Variants in EHHADH observed in about 807,000 individuals in gnomAD.
The protein encoded by EHHADH is peroxisomal bifunctional enzyme.
EHHADH carries 48 observed loss-of-function variants against 64.4 expected under a neutral mutation model. The ratio of observed to expected loss-of-function variants is 0.75; its 90% confidence interval spans 0.59 to 0.95. EHHADH has a LOEUF of 0.95. Ranked by LOEUF, EHHADH falls within the 40% of genes least tolerant of loss-of-function variation. The pLI, the probability that EHHADH is intolerant of heterozygous loss-of-function variation, is 0.00. For synonymous variants in EHHADH, 308 were observed against 326.7 expected (o/e 0.94, Z 0.62); for missense variants, 854 against 876.6 (o/e 0.97, Z 0.33).
At chr3:185,246,221 G>T in intron 2 of EHHADH, 1 of 925,358 alleles carries the variant, frequency 1.1e-6, no homozygotes, top group South Asian at 1.4e-5. Context: ...TTTGATTAAA[G>T]AAGTTCAAGT....
intron 1 of EHHADH, among the ~76,000 whole-genome samples, chr3:185,249,076 T>A (rs1719673380): frequency 6.6e-6 from 1 of 152,188 alleles, no homozygotes; most frequent in Admixed American, 6.5e-5. Flanking sequence ...TTCCTCTCCA[T>A]CGTCTTCATA....
chr3:185,223,608 C>T (rs556351837), intron 4 of EHHADH, among the ~76,000 whole-genome samples: 1 of 152,140 alleles, frequency 6.6e-6, no homozygotes, highest in Admixed American at 6.6e-5. Flanking sequence ...ATAGCGAAAA[C>T]CCACCTGGAC....
intron 5 of EHHADH, among the ~76,000 whole-genome samples, chr3:185,205,101 T>C (rs917389846): frequency 1.3e-4 from 20 of 151,566 alleles, no homozygotes; most frequent in African/African-American, 4.8e-4. Context: ...GTAATTAATA[T>C]TAATATATTA....
Position 185,192,297 on chromosome 3 carries a change from G to A in EHHADH, c.2101C>T (p.Leu701=). 6.2e-7 allele frequency: 1 copy of A among 1,614,176 alleles called. No individual in the cohort carries two copies. Among genetic ancestry groups the A allele is most frequent in the Non-Finnish European group, 8.5e-7 (1 of 1,180,032 alleles). Residue 701 remains leucine, a synonymous_variant, in exon 7 of 7, where the codon CTG becomes TTG. Transcript: ENST00000231887. ...AGGGGAGGGTTTCCCTGAGAAGCCA[G>A]TTTTTTTAGATAGTCACTTGGCTCC... ...QLEPSDYLKK[L]ASQGNPPLKE...
chr3:185,229,339 C>G (rs914457049), intron 4 of EHHADH, 93 bp downstream of exon 4: 3 of 602,330 alleles, frequency 5.0e-6, no homozygotes, highest in Non-Finnish European at 7.6e-6. Context: ...TTTATGGTTA[C>G]ATAGGGAGTA....
At chr3:185,236,654 T>C (rs951140833) in intron 2 of EHHADH, among the ~76,000 whole-genome samples, 8 of 152,278 alleles carry the variant, frequency 5.3e-5, no homozygotes, top group Admixed American at 4.6e-4. Context: ...CTGTTCCTCA[T>C]CTAGCATCAA....
chr3:185,220,783 G>A (rs1391689660), intron 4 of EHHADH, among the ~76,000 whole-genome samples: 1 of 152,190 alleles, frequency 6.6e-6, no homozygotes, highest in East Asian at 1.9e-4. Flanking sequence ...CTGAGGTTGA[G>A]AGTTTCTTCT....
intron 6 of EHHADH, among the ~76,000 whole-genome samples, chr3:185,202,055 A>T (rs1718242479): frequency 6.6e-6 from 1 of 152,218 alleles, no homozygotes; most frequent in Non-Finnish European, 1.5e-5. Context: ...ATCACAAGTG[A>T]GGCTGGGCAC....
At chr3:185,200,487 G>C (rs1025143350) in intron 6 of EHHADH, among the ~76,000 whole-genome samples, 1 of 152,136 alleles carries the variant, frequency 6.6e-6, no homozygotes, top group African/African-American at 2.4e-5. Context: ...CTTTAGCTTT[G>C]ATAAAACTTT....
Position 185,220,068 on chromosome 3 carries a change from G to A in EHHADH, c.464-1828C>T, listed in dbSNP as rs540773209. On this transcript the variant is annotated intron_variant, in intron 4 of 6. Coordinates refer to ENST00000231887, the MANE Select transcript of EHHADH (RefSeq NM_001966.4). ...AGTGAATCAGCCTACCCAGGTTAAG[G>A]GAACCAAGCAAACACAAAATGGGAC... Among the ~76,000 whole-genome samples the A allele has an allele frequency of 2.0e-5, 3 of 152,142 alleles. 1 individual carries two copies. The East Asian group carries it at 5.8e-4, about 29-fold the overall frequency.
In EHHADH at chr3:185,220,018, T is replaced by C. The variant is rs147891356; in HGVS notation, c.464-1778A>G. The stretch of plus-strand genomic sequence containing the variant: ...GGTTTCTGTACATAAGTATCCTGTG[T>C]ATAAAATCACTTTGGTAAGGAGAGA... On this transcript the variant is annotated intron_variant, in intron 4 of 6. Transcript: ENST00000231887. Among the ~76,000 whole-genome samples, 1,336 of 152,270 alleles carry C rather than the reference T, an allele frequency of 8.8e-3. 27 individuals are homozygous for C. Among genetic ancestry groups the C allele is most frequent in the African/African-American group, 0.031 (1,274 of 41,540 alleles).
In EHHADH at chr3:185,204,818, T is replaced by C. The variant is rs575990767; in HGVS notation, c.569-61A>G. The C allele has an allele frequency of 3.7e-6, 5 of 1,346,160 alleles. No individual in the cohort carries two copies. The South Asian group carries it at 4.2e-5, about 11-fold the overall frequency. 83.4% of individuals were successfully genotyped at this position (1,346,160 alleles called of 1,614,324 possible). The stretch of plus-strand genomic sequence containing the variant: ...GTTACTTGTACAAAGGGAATGTGAA[T>C]ATATAGTAATAACAATAACCTGTTC... On this transcript the variant is annotated intron_variant, in intron 5 of 6. Coordinates refer to ENST00000231887, the MANE Select transcript of EHHADH (RefSeq NM_001966.4).
At chr3:185,238,803 C>T (rs1199712569) in intron 2 of EHHADH, among the ~76,000 whole-genome samples, 1 of 151,906 alleles carries the variant, frequency 6.6e-6, no homozygotes, top group Non-Finnish European at 1.5e-5. Flanking sequence ...TAATTAAGTC[C>T]CATTCATCTA....
chr3:185,227,591 C>G (rs571250242), intron 4 of EHHADH, among the ~76,000 whole-genome samples: 1 of 151,872 alleles, frequency 6.6e-6, no homozygotes, highest in Non-Finnish European at 1.5e-5. Context: ...TTTGGGAGGC[C>G]GAGGCAGGCA....
chr3:185,204,813 G>A (rs1276820593), intron 5 of EHHADH, 56 bp from the exon 6 acceptor site: 1 of 1,389,700 alleles, frequency 7.2e-7, no homozygotes, highest in Non-Finnish European at 9.9e-7. Context: ...CAAAGGGAAT[G>A]TGAATATATA....
intron 3 of EHHADH, among the ~76,000 whole-genome samples, chr3:185,231,674 C>A (rs6792519): frequency 0.8 from 96,247 of 119,908 alleles, 38,519 homozygotes; most frequent in Non-Finnish European, 0.86. Context: ...GCAAAACATG[C>A]TAAACAAAAA....
rs764469887 is a variant in EHHADH at position 185,192,736 on chromosome 3, A to C, written c.1662T>G (p.Gly554=). The C allele has an allele frequency of 2.1e-5, 34 of 1,613,868 alleles. No homozygotes were observed. Among genetic ancestry groups the C allele is most frequent in the Non-Finnish European group, 2.8e-5 (33 of 1,179,984 alleles). The change falls in exon 7 of 7, where the codon GGT becomes GGG. Residue 554 remains glycine (G), a synonymous_variant. Transcript: ENST00000231887. ...CAGGAATTGGGCAGTACCTCCTATT[A>C]CCCCTTTTTCGGGCAGGAGTTCCTG... The part of the protein sequence containing the change: ...LLPGTPARKR[G]NRRYCPIPDV...
intron 5 of EHHADH, among the ~76,000 whole-genome samples, chr3:185,217,708 G>T (rs1422808278): frequency 6.6e-6 from 1 of 151,822 alleles, no homozygotes; most frequent in Non-Finnish European, 1.5e-5. Context: ...ACAACCTGCG[G>T]AACTGTAAGC....
At chr3:185,245,736 C>A in intron 2 of EHHADH, 1 of 700,776 alleles carries the variant, frequency 1.4e-6, no homozygotes, top group East Asian at 2.5e-5. Flanking sequence ...ATTCAACCAA[C>A]AAAAATGCAA....
Sources: allele counts gnomAD v4.1 joint callset (sites outside exome capture counted in the v4.1 genomes callset), GRCh38; gene constraint gnomAD v4.1.1; transcripts MANE v1.5; gene names NCBI Gene and HGNC (gene_info 2026-07-23, HGNC 2026-07-21).